The following RBPJ variants were observed in gnomAD, a reference collection of about 807,000 sequenced individuals.
The protein encoded by RBPJ is recombination signal binding protein for immunoglobulin kappa J region, also known as recombining binding protein suppressor of hairless.
Under a neutral mutation model 67.8 loss-of-function variants are expected in RBPJ, and 9 were observed. That is an observed-to-expected ratio of 0.13 (90% CI 0.08 to 0.23). The LOEUF (loss-of-function observed/expected upper bound fraction) is 0.23. Among genes scored for constraint, RBPJ ranks in the 10% least tolerant of loss-of-function variants. RBPJ has a pLI of 1.00. For missense variants in RBPJ, 305 were observed against 595.6 expected, an observed-to-expected ratio of 0.51 and a Z score of 5.08; for synonymous variants, 198 against 203.3, an observed-to-expected ratio of 0.97 and a Z score of 0.22.
chr4:26,364,876 C>T (rs913859495), intron 1 of RBPJ, among the ~76,000 whole-genome samples: 4 of 151,622 alleles, frequency 2.6e-5, no homozygotes, highest in African/African-American at 4.8e-5. Context: ...GTCGGCCTCC[C>T]GAAGTGCTGG....
At chr4:26,402,300 T>C (rs920765763) in intron 2 of RBPJ, among the ~76,000 whole-genome samples, 3 of 152,186 alleles carry the variant, frequency 2.0e-5, no homozygotes, top group African/African-American at 7.2e-5. Flanking sequence ...TACCCAGCAG[T>C]TTGGTCTCCC....
intron 1 of RBPJ, among the ~76,000 whole-genome samples, chr4:26,251,929 A>C (rs1334400654): frequency 6.6e-6 from 1 of 151,942 alleles, no homozygotes. Context: ...TAACGTTCTC[A>C]CAACGGGGCT....
intron 1 of RBPJ, among the ~76,000 whole-genome samples, chr4:26,325,148 C>G (rs1441487286): frequency 6.6e-6 from 1 of 152,150 alleles, no homozygotes; most frequent in Non-Finnish European, 1.5e-5. Context: ...CTCTCACCAG[C>G]CTTTACATTT....
chr4:26,394,075 G>A (rs1296156011), intron 2 of RBPJ, among the ~76,000 whole-genome samples: 1 of 149,992 alleles, frequency 6.7e-6, no homozygotes. Flanking sequence ...TGCCCAGGCT[G>A]GAGTGCAGTG....
At chr4:26,405,857 G>A (rs982914945) in intron 2 of RBPJ, among the ~76,000 whole-genome samples, 6 of 152,118 alleles carry the variant, frequency 3.9e-5, no homozygotes, top group African/African-American at 1.4e-4. Flanking sequence ...AGCCACATTA[G>A]CAGTGTATAT....
intron 1 of RBPJ, among the ~76,000 whole-genome samples, chr4:26,287,552 CGGAAA>C (rs759173409): frequency 1.5e-5 from 1 of 68,800 alleles, no homozygotes; most frequent in Admixed American, 2.1e-4. Flanking sequence ...GACCTTGCCT[CGGAAA>C]GGAAAGGAAA....
rs1560225810 is a variant in RBPJ, at chr4:26,244,162, T to TATGTATACACATATATGTGTAC, written c.-167+80550_-167+80551insGTATACACATATATGTGTACAT. 5.1e-4 allele frequency among the ~76,000 whole-genome samples: 71 copies of TATGTATACACATATATGTGTAC among 137,952 alleles called. 1 individual carries two copies. The highest frequency in any genetic ancestry group is 1.5e-3 in the African/African-American group (58 of 39,202). The allele number at this position is 137,952 out of a possible 152,430, so 90.5% of individuals were successfully genotyped here. A position where few individuals can be genotyped will look rare whatever the true frequency, so the allele number is the denominator to read the frequency against. ...ATATATGTGTACACATATATGTATA[T>TATGTATACACATATATGTGTAC]ATATATGTATACACATATATGTATA... On this transcript the variant is annotated intron_variant, in intron 1 of 4. Coordinates refer to the RBPJ transcript ENST00000512351.
At chr4:26,213,268 G>A (rs1718499468) in intron 1 of RBPJ, among the ~76,000 whole-genome samples, 2 of 152,164 alleles carry the variant, frequency 1.3e-5, no homozygotes, top group African/African-American at 4.8e-5. Context: ...CAACCAACTG[G>A]TGTCTGCTGC....
rs571622213 is a variant in RBPJ at position 26,396,086 on chromosome 4, C to T, written c.59+9695C>T. Among the ~76,000 whole-genome samples the T allele has an allele frequency of 6.6e-5, 10 of 152,276 alleles. No individual in the cohort carries two copies. In the South Asian group the frequency reaches 8.3e-4, roughly 13 times the overall value. Reference sequence around the variant, plus strand: ...TTCTTTGCATGACAGGTAAAATATTCATGTTTCAACCTAGTCATGTATTTT... The same window carrying T: ...TTCTTTGCATGACAGGTAAAATATTTATGTTTCAACCTAGTCATGTATTTT... On this transcript the variant is annotated intron_variant, in intron 2 of 10. Transcript: ENST00000355476.
At chr4:26,196,811 C>T (rs2109148330) in intron 1 of RBPJ, among the ~76,000 whole-genome samples, 1 of 152,328 alleles carries the variant, frequency 6.6e-6, no homozygotes, top group Non-Finnish European at 1.5e-5. Context: ...CTGATCATGA[C>T]ACCATTCTTC....
chr4:26,287,799 A>G (rs1033656014), intron 1 of RBPJ, among the ~76,000 whole-genome samples: 4 of 141,620 alleles, frequency 2.8e-5, no homozygotes, highest in South Asian at 2.7e-4. Context: ...GGAAGGAAGG[A>G]AGGGAGGGAG....
the RBPJ span, among the ~76,000 whole-genome samples, chr4:26,155,531 T>G: frequency 3.3e-5 from 5 of 150,846 alleles, no homozygotes; most frequent in Non-Finnish European, 7.4e-5. Flanking sequence ...ACCTCCTGGG[T>G]TCAAGCGATT....
chr4:26,157,102 AACAAAC>A, the RBPJ span, among the ~76,000 whole-genome samples: 29 of 103,688 alleles, frequency 2.8e-4, no homozygotes, highest in Middle Eastern at 4.5e-3. Flanking sequence ...AACAAACAAA[AACAAAC>A]AAACAAACAA....
intron 4 of RBPJ, 35 bp from the exon 5 acceptor site, chr4:26,420,516 T>G: frequency 6.6e-7 from 1 of 1,504,900 alleles, no homozygotes; most frequent in Middle Eastern, 1.7e-4. Flanking sequence ...CAAACAAGGT[T>G]TTGCTGCTGT....
Position 26,192,084 on chromosome 4 carries a change from C to A in RBPJ, c.-167+28470C>A, listed in dbSNP as rs913397393. Among the ~76,000 whole-genome samples, 8 of 151,374 alleles carry A rather than the reference C, an allele frequency of 5.3e-5. 1 individual carries two copies. The South Asian group carries it at 1.7e-3, about 32-fold the overall frequency. ...AGTGCTGTGGCACAATCTCAGCTCA[C>A]TGCAACCTCTGCCTCCCAGGTTCAA... On this transcript the variant is annotated intron_variant, in intron 1 of 4. Coordinates refer to the RBPJ transcript ENST00000512351.
intron 1 of RBPJ, among the ~76,000 whole-genome samples, chr4:26,241,192 G>C (rs923502992): frequency 5.5e-5 from 8 of 145,582 alleles, no homozygotes; most frequent in African/African-American, 2.1e-4. Flanking sequence ...GCAAGACCCT[G>C]TCTCCAAAAA....
At chr4:26,368,696 G>A (rs949254912) in intron 1 of RBPJ, among the ~76,000 whole-genome samples, 1 of 152,212 alleles carries the variant, frequency 6.6e-6, no homozygotes, top group Non-Finnish European at 1.5e-5. Flanking sequence ...GATTAAAAAT[G>A]CCTGTAGAAG....
the RBPJ span, among the ~76,000 whole-genome samples, chr4:26,148,603 G>A: frequency 1.3e-5 from 2 of 152,302 alleles, no homozygotes; most frequent in South Asian, 2.1e-4. Context: ...GTGTTTAAAG[G>A]AAAAGGACAT....
chr4:26,313,073 C>A (rs1461855657), intron 1 of RBPJ, among the ~76,000 whole-genome samples: 1 of 152,164 alleles, frequency 6.6e-6, no homozygotes, highest in East Asian at 1.9e-4. Flanking sequence ...CAGGCATATG[C>A]CACCATGCCC....
Sources: gnomAD v4.1 joint callset for allele counts (sites outside exome capture counted in the v4.1 genomes callset) on GRCh38, gnomAD v4.1.1 for gene constraint, MANE v1.5 for transcripts, NCBI Gene and HGNC (gene_info 2026-07-23, HGNC 2026-07-21) for gene names.